Variants in PPFIA1 observed in about 807,000 individuals in gnomAD.
The protein encoded by PPFIA1 is PPFI scaffold protein A1.
Under a neutral mutation model 149.9 loss-of-function variants are expected in PPFIA1, and 25 were observed. That is an observed-to-expected ratio of 0.17 (90% CI 0.12 to 0.23). The LOEUF (loss-of-function observed/expected upper bound fraction) is 0.23. Among genes scored for constraint, PPFIA1 ranks in the 10% least tolerant of loss-of-function variants. The pLI is 1.00. For synonymous variants in PPFIA1, 549 were observed against 552.8 expected, an observed-to-expected ratio of 0.99 and a Z score of 0.10; for missense variants, 1,362 against 1,506.5, an observed-to-expected ratio of 0.90 and a Z score of 1.59.
chr11:70,315,981 G>T (rs902969140), intron 2 of PPFIA1, among the ~76,000 whole-genome samples: 1 of 151,990 alleles, frequency 6.6e-6, no homozygotes, highest in Non-Finnish European at 1.5e-5. Flanking sequence ...ACAGTGTTTT[G>T]TCTTTTCGTG....
intron 16 of PPFIA1, chr11:70,351,137 C>T (rs1417585269): frequency 1.1e-5 from 5 of 474,800 alleles, no homozygotes; most frequent in Non-Finnish European, 1.5e-5. Context: ...GAATGGTTGG[C>T]GTTTTAATGG....
At chr11:70,272,033 C>G (rs1325316218) in intron 1 of PPFIA1, 140 bp from the exon 2 acceptor site, 1 of 967,980 alleles carries the variant, frequency 1.0e-6, no homozygotes, top group Non-Finnish European at 1.5e-6. Context: ...GTTTTCCCAG[C>G]TTATTTACAC....
intron 2 of PPFIA1, among the ~76,000 whole-genome samples, chr11:70,312,121 A>G (rs977484713): frequency 2.0e-5 from 3 of 151,648 alleles, no homozygotes; most frequent in Non-Finnish European, 4.4e-5. Flanking sequence ...AGGGATTACA[A>G]GCGTGAGCCA....
At chr11:70,291,945 C>T (rs1388241555) in intron 2 of PPFIA1, among the ~76,000 whole-genome samples, 1 of 149,220 alleles carries the variant, frequency 6.7e-6, no homozygotes, top group Non-Finnish European at 1.5e-5. Context: ...TCAAGCGATT[C>T]TCCTGCCTCA....
intron 21 of PPFIA1, 45 bp downstream of exon 21, chr11:70,362,533 C>A: frequency 6.5e-7 from 1 of 1,528,258 alleles, no homozygotes; most frequent in Non-Finnish European, 8.8e-7. Flanking sequence ...ACAGGGAATG[C>A]CTCTCTGAAG....
At chr11:70,355,198 C>T (rs1170996105) in intron 17 of PPFIA1, among the ~76,000 whole-genome samples, 8 of 152,188 alleles carry the variant, frequency 5.3e-5, no homozygotes, top group East Asian at 1.9e-4. Flanking sequence ...CCACCGCGCC[C>T]GGCCCCTCTT....
intron 2 of PPFIA1, among the ~76,000 whole-genome samples, chr11:70,274,832 C>T (rs2050291247): frequency 6.6e-6 from 1 of 152,114 alleles, no homozygotes; most frequent in African/African-American, 2.4e-5. Flanking sequence ...GATTCTCCTG[C>T]CTCAGCCTCC....
At chr11:70,324,617 C>T (rs2136789519) in intron 3 of PPFIA1, 114 bp downstream of exon 3, 1 of 972,850 alleles carries the variant, frequency 1.0e-6, no homozygotes, top group South Asian at 1.6e-5. Context: ...ACTTTTCATA[C>T]CTTTTCCCAC....
At chr11:70,293,680 C>G (rs1258682377) in intron 2 of PPFIA1, among the ~76,000 whole-genome samples, 1 of 152,158 alleles carries the variant, frequency 6.6e-6, no homozygotes. Context: ...ACTGGGTGGA[C>G]TGGGCCCTGT....
intron 2 of PPFIA1, among the ~76,000 whole-genome samples, chr11:70,288,994 G>A (rs2051342196): frequency 6.7e-6 from 1 of 148,670 alleles, no homozygotes; most frequent in Admixed American, 6.7e-5. Flanking sequence ...TGGGGACGGA[G>A]TCTTGCTCTG....
At chr11:70,313,366 C>T (rs1418627071) in intron 2 of PPFIA1, among the ~76,000 whole-genome samples, 3 of 152,106 alleles carry the variant, frequency 2.0e-5, no homozygotes, top group African/African-American at 7.2e-5. Flanking sequence ...ACCTTAAGGG[C>T]AATGGGAAGT....
At chr11:70,304,975 C>T (rs1241916514) in intron 2 of PPFIA1, among the ~76,000 whole-genome samples, 1 of 152,192 alleles carries the variant, frequency 6.6e-6, no homozygotes, top group African/African-American at 2.4e-5. Context: ...CCCCTCCTGT[C>T]ACCTGCATAT....
rs371213270 is a variant in PPFIA1, at chr11:70,271,177, GA to G, written c.-1+264del. On this transcript the variant is annotated intron_variant, in intron 1 of 27. Coordinates refer to ENST00000253925, the MANE Select transcript of PPFIA1 (RefSeq NM_003626.5). ...CCCGGGCGCTGGGGCGAGGGGCGGG[GA>G]CCTGTGGCCGCTGAAAGCCCTGGCC... 314 of 152,272 alleles carry G rather than the reference GA, an allele frequency of 2.1e-3. 3 individuals are homozygous for G. Among genetic ancestry groups the G allele is most frequent in the African/African-American group, 7.0e-3 (293 of 41,566 alleles). 9.4% of individuals were successfully genotyped at this position (152,272 alleles called of 1,614,324 possible). A position where few individuals can be genotyped will look rare whatever the true frequency, so the allele number is the denominator to read the frequency against.
rs1379824872 is a variant in PPFIA1 at position 70,353,798 on chromosome 11, C to T, written c.2164-503C>T. ...GGCTGTTCCTTGTTTATTTTTACCC[C>T]GTTCAGACAAAAAAGGTATTTGACA... On this transcript the variant is annotated intron_variant, in intron 16 of 27. Transcript: ENST00000253925. 2.6e-5 allele frequency among the ~76,000 whole-genome samples: 4 copies of T among 152,244 alleles called. No individual in the cohort carries two copies. The South Asian group carries it at 6.2e-4, about 24-fold the overall frequency.
Position 70,277,554 on chromosome 11 carries a change from G to T in PPFIA1, c.264+5118G>T, listed in dbSNP as rs932032632. ...TGCCCAGGCTGAAGTGCAGTGGCAC[G>T]ATCTTGGCGCACTGCAACCTCCATC... On this transcript the variant is annotated intron_variant, in intron 2 of 27. Transcript: ENST00000253925. 1.3e-5 allele frequency among the ~76,000 whole-genome samples: 2 copies of T among 151,228 alleles called. 1 individual carries two copies.
At chr11:70,296,921 G>GACC (rs2052087597) in intron 2 of PPFIA1, among the ~76,000 whole-genome samples, 4 of 152,158 alleles carry the variant, frequency 2.6e-5, no homozygotes, top group African/African-American at 9.7e-5. Flanking sequence ...CTCACTGTGA[G>GACC]ACGTGCCTCA....
At chr11:70,365,933 A>G (rs1226562173) in intron 21 of PPFIA1, 1 of 456,674 alleles carries the variant, frequency 2.2e-6, no homozygotes, top group African/African-American at 2.0e-5. Context: ...CTAACCACGT[A>G]ACCCCAGGAA....
chr11:70,272,253 T>G lies in PPFIA1; in HGVS notation c.81T>G (p.Pro27=). 1 of 1,614,198 alleles carries G rather than the reference T, an allele frequency of 6.2e-7. No individual in the cohort carries two copies. The highest frequency in any genetic ancestry group is 8.5e-7 in the Non-Finnish European group (1 of 1,180,036). The change falls in exon 2 of 28, where the codon CCT becomes CCG. Residue 27 remains proline (P), a synonymous_variant. Coordinates refer to ENST00000253925, the MANE Select transcript of PPFIA1 (RefSeq NM_003626.5). ...GGGGGHGSGS[P]SQPDADSHFE... Reference sequence around the variant, plus strand: ...GTGGAGGCCATGGTTCCGGCTCCCCTTCACAGCCAGATGCAGATTCACATT... The same window carrying G: ...GTGGAGGCCATGGTTCCGGCTCCCCGTCACAGCCAGATGCAGATTCACATT...
chr11:70,382,476 C>T (rs566545276), intron 27 of PPFIA1, among the ~76,000 whole-genome samples: 1 of 152,134 alleles, frequency 6.6e-6, no homozygotes, highest in Non-Finnish European at 1.5e-5. Flanking sequence ...CAGAGCATGG[C>T]AGAGAGCGTC....
Sources: allele counts gnomAD v4.1 joint callset (sites outside exome capture counted in the v4.1 genomes callset), GRCh38; gene constraint gnomAD v4.1.1; transcripts MANE v1.5; gene names NCBI Gene and HGNC (gene_info 2026-07-23, HGNC 2026-07-21).